The following IRS2 variants were observed in gnomAD, a reference collection of about 807,000 sequenced individuals.
IRS2 encodes the protein insulin receptor substrate 2.
In IRS2, 28 loss-of-function variants were observed where a neutral mutation model predicts 70.9. The ratio of observed to expected loss-of-function variants is 0.39; its 90% CI spans 0.29 to 0.54. IRS2 has a LOEUF of 0.54. Ranked by LOEUF, IRS2 falls within the 20% of genes least tolerant of loss-of-function variation. IRS2 has a pLI of 0.59. For missense variants in IRS2, 2,081 were observed against 2,024.1 expected (o/e 1.03, Z -0.54); for synonymous variants, 1,217 against 981.9 (o/e 1.24, Z -4.48).
At chr13:109,763,416 A>G (rs889332862) in intron 1 of IRS2, among the ~76,000 whole-genome samples, 1 of 152,104 alleles carries the variant, frequency 6.6e-6, no homozygotes. Context: ...AATTTCTCTT[A>G]GCTACCGCTA....
In IRS2 at chr13:109,783,426, G is replaced by C. The variant is rs1877789616; in HGVS notation, c.2628C>G (p.Arg876=). The C allele has an allele frequency of 2.0e-6, 3 of 1,493,222 alleles. No homozygotes were observed. Among genetic ancestry groups the C allele is most frequent in the African/African-American group, 1.4e-5 (1 of 69,242 alleles). 92.5% of individuals were successfully genotyped at this position (1,493,222 alleles called of 1,614,324 possible). ...VPSPVRPSGG[R]PEGFLGQRGR... ...CGCGCTGGCCCAAGAAGCCCTCCGG[G>C]CGGCCGCCGCTAGGCCGCACGGGCG... Residue 876 remains arginine (R), a synonymous_variant, in exon 1 of 2, where the codon CGC becomes CGG. Transcript: ENST00000375856.
intron 1 of IRS2, among the ~76,000 whole-genome samples, chr13:109,757,961 C>A (rs934388550): frequency 1.3e-5 from 2 of 152,192 alleles, no homozygotes; most frequent in African/African-American, 4.8e-5. Flanking sequence ...GGATTACAGG[C>A]GTGGGCCACT....
rs1294838441 is a variant in IRS2 at position 109,784,902 on chromosome 13, C to T, written c.1152G>A (p.Ser384=). The T allele has an allele frequency of 2.8e-5, 30 of 1,070,990 alleles. No homozygotes were observed. The highest frequency in any genetic ancestry group is 3.2e-5 in the Non-Finnish European group (28 of 886,204). 66.3% of individuals were successfully genotyped at this position (1,070,990 alleles called of 1,614,324 possible). A position where few individuals can be genotyped will look rare whatever the true frequency, so the allele number is the denominator to read the frequency against. The change falls in exon 1 of 2, where the codon TCG becomes TCA. Residue 384 remains serine, a synonymous_variant. Transcript: ENST00000375856. This position sits in a 1 kb window ranked among gnomAD's most constrained non-coding sequence, Gnocchi z 5.2. ...CGGGGCTCAGGGGGCTCCCAGCCAC[C>T]GACACCGGCCTGGCGCCCGCGGCCG... ...GAAAAGARPV[S]VAGSPLSPGP...
Position 109,756,040 on chromosome 13 carries a change from C to T in IRS2, c.*264G>A, listed in dbSNP as rs909919766. ...CATCCAATTTTCTTGAGAATAACTT[C>T]TTCAGCTAATTTTGTTAAAACAAAA... On this transcript the variant is annotated 3_prime_UTR_variant, in exon 2 of 2. Transcript: ENST00000375856. The T allele has an allele frequency of 2.0e-6, 1 of 496,852 alleles. No homozygotes were observed. The allele number at this position is 496,852 out of a possible 1,614,324, so 30.8% of individuals were successfully genotyped here. A position where few individuals can be genotyped will look rare whatever the true frequency, so the allele number is the denominator to read the frequency against.
In IRS2 at chr13:109,784,665, G is replaced by A; in HGVS notation, c.1389C>T (p.Pro463=). The change falls in exon 1 of 2, where the codon CCC becomes CCT. Residue 463 remains proline (P), a synonymous_variant. Transcript: ENST00000375856. The surrounding 1 kb of genome is among the most constrained non-coding windows in gnomAD (Gnocchi z 5.2). ...GHGSGSYPPP[P]GPHPPLPHPL... ...GATGCGGCAGAGGCGGGTGCGGGCC[G>A]GGCGGCGGCGGGTAGGAGCCCGAGC... is the stretch of plus-strand genomic sequence containing the variant. The A allele has an allele frequency of 8.0e-7, 1 of 1,243,746 alleles. No individual in the cohort carries two copies. Among genetic ancestry groups the A allele is most frequent in the Non-Finnish European group, 1.0e-6 (1 of 996,518 alleles). The allele number at this position is 1,243,746 out of a possible 1,614,324, so 77.0% of individuals were successfully genotyped here.
chr13:109,785,355 GC>G lies in IRS2; in HGVS notation c.698del (p.Cys233SerfsTer6). 6.2e-7 allele frequency: 1 copy of G among 1,612,006 alleles called. No individual in the cohort carries two copies. The highest frequency in any genetic ancestry group is 8.5e-7 in the Non-Finnish European group (1 of 1,179,738). On this transcript the variant is annotated frameshift_variant, in exon 1 of 2. Transcript: ENST00000375856. LOFTEE classifies it high-confidence loss of function. The surrounding 1 kb of genome is among the most constrained non-coding windows in gnomAD (Gnocchi z 9.3). Reference sequence around the variant, plus strand: ...GCTGCAGCGTCACCGACGGCTGCTCGCAGTTGAGCTTCACGAAGCCGATGGT... The same window carrying G: ...GCTGCAGCGTCACCGACGGCTGCTCGAGTTGAGCTTCACGAAGCCGATGGT... ...ARTIGFVKLN[C>X]EQPSVTLQLM...
Position 109,782,515 on chromosome 13 carries a change from A to T in IRS2, c.3539T>A (p.Val1180Asp). ...KRHNSASVEN[V>D]SLRKSSEGGV... is the part of the protein sequence containing the mutation. ...GCCCTCGCTGCTTTTCCTGAGAGAG[A>T]CATTTTCCACGGAGGCCGAGTTGTG... Residue 1180 changes from valine (V) to aspartate (D), a missense_variant, in exon 1 of 2, where the codon GTC (valine) becomes GAC (aspartate). By Grantham distance (152) the Val-to-Asp change is radical (BLOSUM62 -3). Coordinates refer to ENST00000375856, the MANE Select transcript of IRS2 (RefSeq NM_003749.3). 6.4e-7 allele frequency: 1 copy of T among 1,554,600 alleles called. No individual in the cohort carries two copies. Among genetic ancestry groups the T allele is most frequent in the East Asian group, 2.4e-5 (1 of 41,500 alleles).
chr13:109,764,860 A>G (rs1566406315), intron 1 of IRS2, among the ~76,000 whole-genome samples: 1 of 152,270 alleles, frequency 6.6e-6, no homozygotes, highest in Non-Finnish European at 1.5e-5. Context: ...TAAAATGAAC[A>G]AACTTGTTTT....
In IRS2 at chr13:109,783,615, G is replaced by A. The variant is rs745932404; in HGVS notation, c.2439C>T (p.Pro813=). 1.6e-5 allele frequency: 25 copies of A among 1,549,108 alleles called. No homozygotes were observed. Among genetic ancestry groups the A allele is most frequent in the East Asian group, 2.4e-5 (1 of 41,182 alleles). Residue 813 remains proline, a synonymous_variant, in exon 1 of 2, where the codon CCC becomes CCT. Coordinates refer to ENST00000375856, the MANE Select transcript of IRS2 (RefSeq NM_003749.3). ...YSSLPRSYKA[P]YTCGGDSDQY... is the part of the protein sequence containing the mutation. The stretch of plus-strand genomic sequence containing the variant: ...GGTCGCTGTCCCCGCCACAGGTGTA[G>A]GGGGCCTTGTAGGAGCGGGGCAAGG...
rs1242370379 is a variant in IRS2 at position 109,754,438 on chromosome 13, C to T, written c.*1866G>A. On this transcript the variant is annotated 3_prime_UTR_variant, in exon 2 of 2. Transcript: ENST00000375856. ...CACTGCTTTCAGCAGGGTCCATATT[C>T]AGTCCCTATCGTACCTGGGGGGAGT... 3 of 206,404 alleles carry T rather than the reference C, an allele frequency of 1.5e-5. No homozygotes were observed. The highest frequency in any genetic ancestry group is 6.8e-5 in the African/African-American group (3 of 43,866). 12.8% of individuals were successfully genotyped at this position (206,404 alleles called of 1,614,324 possible).
In IRS2 at chr13:109,785,292, G is replaced by A. The variant is rs774983019; in HGVS notation, c.762C>T (p.Phe254=). 13 of 1,609,106 alleles carry A rather than the reference G, an allele frequency of 8.1e-6. No homozygotes were observed. The highest frequency in any genetic ancestry group is 5.5e-5 in the South Asian group (5 of 90,540). ...CCGAGCGGCCCACCTCGATGAAGAA[G>A]AAGCTGTCCGAGTGGCCGCAGCGGC... ...NIRRCGHSDS[F]FFIEVGRSAV... The change falls in exon 1 of 2, where the codon TTC becomes TTT. Residue 254 remains phenylalanine (F), a synonymous_variant. Transcript: ENST00000375856. This position sits in a 1 kb window ranked among gnomAD's most constrained non-coding sequence, Gnocchi z 9.3.
In IRS2 at chr13:109,774,578, G is replaced by C. The variant is rs60868291; in HGVS notation, c.4012+7464C>G. 6.8e-3 allele frequency among the ~76,000 whole-genome samples: 1,040 copies of C among 152,182 alleles called. 10 individuals are homozygous for C. Among genetic ancestry groups the C allele is most frequent in the African/African-American group, 0.024 (983 of 41,510 alleles). ...ATCCTAATGTAATTATTGCATATGAGCTTCCCAAGCAGACAATATGACATT... is the reference window on the plus strand; with the variant it reads ...ATCCTAATGTAATTATTGCATATGACCTTCCCAAGCAGACAATATGACATT... On this transcript the variant is annotated intron_variant, in intron 1 of 1. Transcript: ENST00000375856.
At position 109,783,949 on chromosome 13, in the gene IRS2, ACGGCGG is replaced by A. The variant is rs34412495; in HGVS notation, c.2099_2104del (p.Ala700_Ala701del). Reference sequence around the variant, plus strand: ...TGGCCCCGCAGGCCCCGCAGAAGGCACGGCGGCGGCGGCGGCGGCGGCGGCCCTGGG... The same window carrying A: ...TGGCCCCGCAGGCCCCGCAGAAGGCACGGCGGCGGCGGCGGCGGCCCTGGG... On this transcript the variant is annotated inframe_deletion, in exon 1 of 2. Coordinates refer to ENST00000375856, the MANE Select transcript of IRS2 (RefSeq NM_003749.3). 1.1e-4 allele frequency: 161 copies of A among 1,520,754 alleles called. 1 individual carries two copies. The highest frequency in any genetic ancestry group is 6.3e-4 in the South Asian group (51 of 80,960). 94.2% of individuals were successfully genotyped at this position (1,520,754 alleles called of 1,614,324 possible). A position where few individuals can be genotyped will look rare whatever the true frequency, so the allele number is the denominator to read the frequency against.
intron 1 of IRS2, 36 bp downstream of exon 1, chr13:109,782,006 C>A: frequency 6.2e-7 from 1 of 1,607,334 alleles, no homozygotes; most frequent in Non-Finnish European, 8.5e-7. Context: ...CCCGCCCCTC[C>A]TTCCCGCCAG....
chr13:109,773,790 C>T (rs916899524), intron 1 of IRS2, among the ~76,000 whole-genome samples: 2 of 152,106 alleles, frequency 1.3e-5, no homozygotes, highest in Non-Finnish European at 2.9e-5. Context: ...CTAAAATGTT[C>T]CAAAGTAAAA....
intron 1 of IRS2, among the ~76,000 whole-genome samples, chr13:109,769,784 C>T (rs1484492877): frequency 6.6e-6 from 1 of 152,160 alleles, no homozygotes; most frequent in East Asian, 1.9e-4. Flanking sequence ...TTTCATATTG[C>T]TCAAATGGAT....
intron 1 of IRS2, among the ~76,000 whole-genome samples, chr13:109,757,389 T>A (rs1877130359): frequency 6.6e-6 from 1 of 152,164 alleles, no homozygotes; most frequent in Non-Finnish European, 1.5e-5. Flanking sequence ...AGAATTCTGA[T>A]CCTAGCCTCT....
At chr13:109,781,958 A>G in intron 1 of IRS2, 84 bp downstream of exon 1, 3 of 1,491,714 alleles carry the variant, frequency 2.0e-6, no homozygotes, top group Non-Finnish European at 2.7e-6. Flanking sequence ...GGTCCCCAAA[A>G]AGTGGGAGCA....
chr13:109,778,279 C>G (rs1877622138), intron 1 of IRS2, among the ~76,000 whole-genome samples: 2 of 152,202 alleles, frequency 1.3e-5, no homozygotes, highest in Non-Finnish European at 2.9e-5. Flanking sequence ...TCATTAAGAT[C>G]AGCAACTAGA....
Sources: gnomAD v4.1 joint callset for allele counts (sites outside exome capture counted in the v4.1 genomes callset) on GRCh38, gnomAD v4.1.1 for gene constraint, Gnocchi (gnomAD v3.1) non-coding constraint, MANE v1.5 for transcripts, NCBI Gene and HGNC (gene_info 2026-07-23, HGNC 2026-07-21) for gene names.